The following INTS10 variants were observed in gnomAD, a reference collection of about 807,000 sequenced individuals.
The protein encoded by INTS10 is integrator complex subunit 10, also known as chromosome 8 open reading frame 35.
INTS10 carries 44 observed loss-of-function variants against 94.4 expected under a neutral mutation model. The ratio of observed to expected loss-of-function variants is 0.47; its 90% CI spans 0.37 to 0.60. INTS10 has a LOEUF of 0.60. Ranked by LOEUF, INTS10 falls within the 20% of genes least tolerant of loss-of-function variation. INTS10 has a pLI of 0.00. For missense variants in INTS10, 797 were observed against 868.7 expected (o/e 0.92, Z 1.04); for synonymous variants, 341 against 320.7 (o/e 1.06, Z -0.68).
intron 1 of INTS10, 67 bp from the exon 2 acceptor site, chr8:19,818,208 G>A (rs764845411): frequency 4.0e-6 from 6 of 1,503,964 alleles, no homozygotes; most frequent in East Asian, 2.3e-5. Flanking sequence ...GCCAACGAGC[G>A]ATGCTGGATG....
chr8:19,831,951 C>G, intron 10 of INTS10, 77 bp from the exon 11 acceptor site: 1 of 853,112 alleles, frequency 1.2e-6, no homozygotes. Context: ...TCTCTTCTCT[C>G]TTACTGGATT....
At chr8:19,839,612 C>G (rs1406514396) in intron 13 of INTS10, among the ~76,000 whole-genome samples, 1 of 151,874 alleles carries the variant, frequency 6.6e-6, no homozygotes, top group African/African-American at 2.4e-5. Context: ...GCAGGAGGAT[C>G]GCTTGAGCCC....
In INTS10 at chr8:19,817,632, C is replaced by T. The variant is rs1405707534; in HGVS notation, c.95C>T (p.Ala32Val). 7 of 1,607,292 alleles carry T rather than the reference C, an allele frequency of 4.4e-6. No homozygotes were observed. Among genetic ancestry groups the T allele is most frequent in the Non-Finnish European group, 5.9e-6 (7 of 1,177,636 alleles). ...LWAAKAWLIT[A>V]RSLYPADFNI... is the part of the protein sequence containing the mutation. The stretch of plus-strand genomic sequence containing the variant: ...GCAGCCAAGGCGTGGCTGATCACGG[C>T]CCGCAGCCTCTACCCGGCAGACTTT... The change falls in exon 1 of 17, where the codon GCC becomes GTC. Residue 32 changes from alanine to valine, a missense_variant. Ala to Val is a moderately conservative substitution (Grantham distance 64). Transcript: ENST00000397977.
At chr8:19,837,268 G>A in intron 13 of INTS10, 108 bp downstream of exon 13, 1 of 732,464 alleles carries the variant, frequency 1.4e-6, no homozygotes, top group Non-Finnish European at 2.4e-6. Context: ...CGGGAGGATA[G>A]CTTTTGAGCC....
At chr8:19,826,582 T>C (rs2128765299) in intron 9 of INTS10, 23 bp downstream of exon 9, 18 of 1,600,244 alleles carry the variant, frequency 1.1e-5, no homozygotes, top group Non-Finnish European at 1.4e-5. Context: ...AATATACTTA[T>C]TAACAGATTG....
chr8:19,844,387 T>C, intron 15 of INTS10, 149 bp downstream of exon 15: 1 of 634,532 alleles, frequency 1.6e-6, no homozygotes, highest in South Asian at 2.2e-5. Flanking sequence ...ACTGGGGCTG[T>C]GGCAGTTGAT....
intron 16 of INTS10, among the ~76,000 whole-genome samples, chr8:19,850,873 TAA>T (rs1326800193): frequency 6.6e-6 from 1 of 152,182 alleles, no homozygotes; most frequent in African/African-American, 2.4e-5. Context: ...GGGGTGTAGT[TAA>T]GAGACATTTT....
At chr8:19,822,183 C>T in intron 4 of INTS10, 1 of 267,434 alleles carries the variant, frequency 3.7e-6, no homozygotes, top group Non-Finnish European at 7.0e-6. Context: ...AATTCTTGTT[C>T]ATCGTTAATT....
At chr8:19,839,120 A>C (rs537574803) in intron 13 of INTS10, among the ~76,000 whole-genome samples, 4 of 152,166 alleles carry the variant, frequency 2.6e-5, no homozygotes, top group Admixed American at 1.3e-4. Context: ...CTCCATTAGC[A>C]GACAGAAGGA....
At chr8:19,831,135 GC>G (rs1481253963) in intron 10 of INTS10, among the ~76,000 whole-genome samples, 1 of 152,122 alleles carries the variant, frequency 6.6e-6, no homozygotes, top group Non-Finnish European at 1.5e-5. Flanking sequence ...TGGAATCGGG[GC>G]CCCTTATTTT....
chr8:19,826,297 G>T, intron 8 of INTS10, 129 bp from the exon 9 acceptor site: 1 of 878,612 alleles, frequency 1.1e-6, no homozygotes, highest in Non-Finnish European at 1.7e-6. Context: ...GCCCAGGCTG[G>T]TTTTGAACTC....
chr8:19,819,059 G>C (rs552971524), intron 2 of INTS10, among the ~76,000 whole-genome samples: 1 of 152,112 alleles, frequency 6.6e-6, no homozygotes, highest in South Asian at 2.1e-4. Context: ...CAAAATGTGC[G>C]ATCCCAGTCT....
At chr8:19,827,646 AC>A (rs2066905626) in intron 9 of INTS10, among the ~76,000 whole-genome samples, 1 of 151,674 alleles carries the variant, frequency 6.6e-6, no homozygotes, top group African/African-American at 2.4e-5. Context: ...GGCTGTTTAA[AC>A]CTGGTCCAGC....
In INTS10 at chr8:19,824,805, G is replaced by A. The variant is rs1470566139; in HGVS notation, c.839G>A (p.Ser280Asn). 1.2e-6 allele frequency: 2 copies of A among 1,602,656 alleles called. No individual in the cohort carries two copies. Among genetic ancestry groups the A allele is most frequent in the Non-Finnish European group, 1.7e-6 (2 of 1,172,922 alleles). ...CEWQMDKGRR[S>N]YGDILHRMKD... ...TTTCATCATTCCTTCCTTTTTAGAA[G>A]CTATGGAGATATTTTGCATAGAATG... The change falls in exon 8 of 17, where the codon AGC (serine) becomes AAC (asparagine). Residue 280 changes from serine (S) to asparagine (N), a missense_variant and splice_region_variant. Physicochemically the swap from Ser to Asn is conservative, Grantham distance 46. Around this residue, in one of 3 missense-constraint regions of INTS10, gnomAD observed 734 missense variants for 787.8 expected, o/e 0.93. Coordinates refer to ENST00000397977, the MANE Select transcript of INTS10 (RefSeq NM_018142.4).
rs1321421889 is a variant in INTS10 at position 19,823,458 on chromosome 8, T to A, written c.664+17T>A. 5 of 1,539,854 alleles carry A rather than the reference T, an allele frequency of 3.2e-6. No homozygotes were observed. The East Asian group carries it at 1.1e-4, about 35-fold the overall frequency. On this transcript the variant is annotated intron_variant, in intron 6 of 16. Transcript: ENST00000397977. Reference sequence around the variant, plus strand: ...AGCATCAAGGTAAGTAGGAATACCCTGTACTTTTACTTAAATAGGCTTTAG... The same window carrying A: ...AGCATCAAGGTAAGTAGGAATACCCAGTACTTTTACTTAAATAGGCTTTAG...
In INTS10 at chr8:19,851,504, G is replaced by T; in HGVS notation, c.1977-145G>T. 1 of 689,282 alleles carries T rather than the reference G, an allele frequency of 1.5e-6. No individual in the cohort carries two copies. The allele number at this position is 689,282 out of a possible 1,614,324, so 42.7% of individuals were successfully genotyped here. ...GAGAAATGGGCTGGAATGTTTGGTT[G>T]GTTGCAGCTATTCTTGTGTTCTTTT... On this transcript the variant is annotated intron_variant, in intron 16 of 16. Transcript: ENST00000397977. The surrounding 1 kb of genome is among the most constrained non-coding windows in gnomAD (Gnocchi z 5.0).
intron 4 of INTS10, chr8:19,821,542 G>C (rs1480993597): frequency 1.3e-5 from 2 of 152,256 alleles, no homozygotes; most frequent in Admixed American, 1.3e-4. Flanking sequence ...TCTGCCTCCT[G>C]GGTTCTACCA....
At chr8:19,835,270 A>G (rs1316738) in intron 12 of INTS10, among the ~76,000 whole-genome samples, 70,559 of 151,896 alleles carry the variant, frequency 0.46, 16,977 homozygotes, top group Middle Eastern at 0.64. Flanking sequence ...TAAAATTATA[A>G]TCGTTGCTTT....
At chr8:19,835,828 C>A (rs916697926) in intron 12 of INTS10, among the ~76,000 whole-genome samples, 1 of 152,204 alleles carries the variant, frequency 6.6e-6, no homozygotes, top group Non-Finnish European at 1.5e-5. Context: ...TGGGGCCACC[C>A]AAGGTCAATT....
Sources: allele counts gnomAD v4.1 joint callset (sites outside exome capture counted in the v4.1 genomes callset), GRCh38; gene constraint gnomAD v4.1.1; regional missense constraint gnomAD v4.1.1; non-coding constraint Gnocchi (gnomAD v3.1); transcripts MANE v1.5; gene names NCBI Gene and HGNC (gene_info 2026-07-23, HGNC 2026-07-21).